The following TCF12 variants were observed in gnomAD, a reference collection of about 807,000 sequenced individuals.
The protein encoded by TCF12 is transcription factor 12.
Under a neutral mutation model 86.0 loss-of-function variants are expected in TCF12, and 45 were observed. That is an observed-to-expected ratio of 0.52 (90% CI 0.41 to 0.67). TCF12 has a LOEUF of 0.67. Ranked by LOEUF, TCF12 falls within the 30% of genes least tolerant of loss-of-function variation. The probability of loss-of-function intolerance (pLI) is 0.00; values close to 1 mark genes in which losing one functional copy is unlikely to be tolerated. For synonymous variants in TCF12, 330 were observed against 299.6 expected (o/e 1.10, Z -1.05); for missense variants, 881 against 859.9 (o/e 1.02, Z -0.31).
At chr15:57,147,696 G>T (rs1306685967) in intron 5 of TCF12, among the ~76,000 whole-genome samples, 4 of 152,106 alleles carry the variant, frequency 2.6e-5, no homozygotes, top group African/African-American at 4.8e-5. Flanking sequence ...TTTGGGTTCA[G>T]TTATCACATA....
chr15:57,067,425 A>C (rs1277868422), intron 4 of TCF12, among the ~76,000 whole-genome samples: 1 of 150,726 alleles, frequency 6.6e-6, no homozygotes, highest in Admixed American at 6.6e-5. Context: ...CTGTAGTCCC[A>C]GCTACTTGGG....
chr15:56,994,441 C>G (rs990024965), intron 3 of TCF12, among the ~76,000 whole-genome samples: 2 of 151,970 alleles, frequency 1.3e-5, no homozygotes, highest in Non-Finnish European at 2.9e-5. Flanking sequence ...AAAGACCTCA[C>G]AAATTTATTG....
chr15:57,061,232 T>C (rs1192718487), intron 3 of TCF12, among the ~76,000 whole-genome samples: 3 of 152,224 alleles, frequency 2.0e-5, no homozygotes, highest in Non-Finnish European at 2.9e-5. Context: ...CTCTTGAATT[T>C]TGCTTGAGAT....
In TCF12 at chr15:57,225,396, T is replaced by G. The variant is rs567439856; in HGVS notation, c.580-5756T>G. On this transcript the variant is annotated intron_variant, in intron 8 of 20. Coordinates refer to ENST00000333725, the MANE Select transcript of TCF12 (RefSeq NM_207037.2). The stretch of plus-strand genomic sequence containing the variant: ...CTGAGACTACAGGCGCCCGCCACCA[T>G]GCCCGGCTAATTTTTTTTATTATTA... Among the ~76,000 whole-genome samples, 148 of 151,858 alleles carry G rather than the reference T, an allele frequency of 9.7e-4. 1 individual carries two copies. Among genetic ancestry groups the G allele is most frequent in the Non-Finnish European group, 1.1e-3 (77 of 67,958 alleles).
intron 1 of TCF12, chr15:56,919,210 C>T (rs1448975203): frequency 6.6e-6 from 1 of 151,860 alleles, no homozygotes; most frequent in African/African-American, 2.4e-5. Context: ...GCCGCGGAGC[C>T]AGGCTCATTG....
intron 12 of TCF12, among the ~76,000 whole-genome samples, chr15:57,237,303 A>G (rs189766523): frequency 3.9e-4 from 59 of 152,346 alleles, no homozygotes; most frequent in African/African-American, 1.4e-3. Context: ...CAATAACATT[A>G]GCATAATAAA....
intron 5 of TCF12, chr15:57,129,768 C>A (rs994278298): frequency 6.6e-6 from 1 of 152,158 alleles, no homozygotes; most frequent in African/African-American, 2.4e-5. Context: ...TTCTTCTTTC[C>A]CATTCCTTCT....
At chr15:57,275,884 C>A (rs376617849) in intron 19 of TCF12, among the ~76,000 whole-genome samples, 1 of 152,158 alleles carries the variant, frequency 6.6e-6, no homozygotes, top group Non-Finnish European at 1.5e-5. Context: ...CTCTTCTAAG[C>A]CTCAGATTTT....
chr15:57,036,797 T>C (rs1334060011), intron 3 of TCF12, among the ~76,000 whole-genome samples: 4 of 152,240 alleles, frequency 2.6e-5, no homozygotes, highest in Non-Finnish European at 5.9e-5. Context: ...ATTTTCATGA[T>C]GTCCTGTTTT....
chr15:57,263,607 T>A (rs543305719), intron 18 of TCF12, among the ~76,000 whole-genome samples: 4 of 151,566 alleles, frequency 2.6e-5, no homozygotes, highest in African/African-American at 9.6e-5. Context: ...TACGGACATT[T>A]AGATAGATTT....
At chr15:57,077,373 G>A (rs3111101) in intron 4 of TCF12, among the ~76,000 whole-genome samples, 65,101 of 101,442 alleles carry the variant, frequency 0.64, 19,098 homozygotes, top group Admixed American at 0.66. Context: ...GTGTGTGTGT[G>A]TATATATATT....
chr15:57,020,782 A>G (rs1317392000), intron 3 of TCF12, among the ~76,000 whole-genome samples: 5 of 152,194 alleles, frequency 3.3e-5, no homozygotes, highest in Non-Finnish European at 7.3e-5. Flanking sequence ...AGGTGTAACA[A>G]TGCTAAGCTT....
At chr15:57,076,744 G>C (rs542435246) in intron 4 of TCF12, among the ~76,000 whole-genome samples, 8 of 152,208 alleles carry the variant, frequency 5.3e-5, no homozygotes, top group African/African-American at 1.9e-4. Flanking sequence ...TTGACTGCTA[G>C]TAGCAGTCTC....
intron 3 of TCF12, among the ~76,000 whole-genome samples, chr15:56,967,070 C>T (rs1283234912): frequency 2.0e-5 from 3 of 152,184 alleles, no homozygotes; most frequent in South Asian, 2.1e-4. Flanking sequence ...TTCAGTGAGT[C>T]GAGATCGTGC....
chr15:57,127,823 G>C lies in TCF12; in HGVS notation c.325+35932G>C, dbSNP rs188152745. Among the ~76,000 whole-genome samples, 5 of 152,154 alleles carry C rather than the reference G, an allele frequency of 3.3e-5. 1 individual carries two copies. In the East Asian group the frequency reaches 9.6e-4, roughly 29 times the overall value. On this transcript the variant is annotated intron_variant, in intron 5 of 20. Coordinates refer to ENST00000333725, the MANE Select transcript of TCF12 (RefSeq NM_207037.2). ...TAATTGGCATGTAGGGTCCTGTTTT[G>C]ATCACTGTTAGAATTCTCGGGCGAG...
At chr15:56,944,792 A>T (rs2060924307) in intron 3 of TCF12, among the ~76,000 whole-genome samples, 1 of 152,188 alleles carries the variant, frequency 6.6e-6, no homozygotes, top group African/African-American at 2.4e-5. Flanking sequence ...GAGAAATATG[A>T]TACAGACTGT....
intron 3 of TCF12, among the ~76,000 whole-genome samples, chr15:57,002,391 T>C (rs1262808301): frequency 1.3e-5 from 2 of 152,232 alleles, no homozygotes; most frequent in Non-Finnish European, 2.9e-5. Flanking sequence ...CTTAAAATCA[T>C]ACTCAATCAC....
At chr15:56,946,432 C>G (rs1265861436) in intron 3 of TCF12, among the ~76,000 whole-genome samples, 1 of 152,014 alleles carries the variant, frequency 6.6e-6, no homozygotes, top group Non-Finnish European at 1.5e-5. Flanking sequence ...TCTAGAAACT[C>G]TTTTGTTTTT....
intron 1 of TCF12, 196 bp from the exon 2 acceptor site, chr15:56,919,696 C>A (rs1214632806): frequency 1.2e-5 from 5 of 419,518 alleles, no homozygotes; most frequent in Non-Finnish European, 2.1e-5. Flanking sequence ...GCGAGGAACG[C>A]GTGGATTCCG....
Sources: allele counts gnomAD v4.1 joint callset (sites outside exome capture counted in the v4.1 genomes callset), GRCh38; gene constraint gnomAD v4.1.1; transcripts MANE v1.5; gene names NCBI Gene and HGNC (gene_info 2026-07-23, HGNC 2026-07-21).